Variants in PLCB1 observed in about 807,000 individuals in gnomAD.
PLCB1 encodes the protein phospholipase C beta 1, also known as 1-phosphatidylinositol 4,5-bisphosphate phosphodiesterase beta-1.
In PLCB1, 46 loss-of-function variants were observed where a neutral mutation model predicts 161.8. That is an observed-to-expected ratio of 0.28 (90% CI 0.22 to 0.36). PLCB1 has a LOEUF of 0.36. PLCB1 is among the 10% of genes least tolerant of loss of function. The pLI, the probability that PLCB1 is intolerant of heterozygous loss-of-function variation, is 1.00. For synonymous variants in PLCB1, 517 were observed against 503.7 expected (o/e 1.03, Z -0.35); for missense variants, 1,016 against 1,472.5 (o/e 0.69, Z 5.07).
chr20:8,556,656 GGTGTGTGTGTGTGTGTGTGT>G (rs58160557), intron 3 of PLCB1, among the ~76,000 whole-genome samples: 4 of 141,778 alleles, frequency 2.8e-5, no homozygotes, highest in South Asian at 2.3e-4. Flanking sequence ...GAGAGGGTTG[GGTGTGTGTGTGTGTGTGTGT>G]GTGTGTGTGT....
At chr20:8,776,828 A>C (rs377025511) in intron 27 of PLCB1, among the ~76,000 whole-genome samples, 6 of 152,290 alleles carry the variant, frequency 3.9e-5, no homozygotes, top group African/African-American at 1.2e-4. Flanking sequence ...AACATGTAGT[A>C]TGTTAGGTAG....
intron 3 of PLCB1, among the ~76,000 whole-genome samples, chr20:8,620,777 A>G (rs866397013): frequency 6.6e-6 from 1 of 151,768 alleles, no homozygotes; most frequent in African/African-American, 2.4e-5. Flanking sequence ...AAAGAAAAGA[A>G]AAGAAACAGA....
At position 8,765,930 on chromosome 20, in the gene PLCB1, C is replaced by T. The variant is rs183428079; in HGVS notation, c.2930+572C>T. Among the ~76,000 whole-genome samples, 360 of 152,242 alleles carry T rather than the reference C, an allele frequency of 2.4e-3. 4 individuals are homozygous for T. The highest frequency in any genetic ancestry group is 0.014 in the East Asian group (74 of 5,174). ...CTGGCCTCAAGCGATCTGCCTGCCTCGGCCTCCCAAAGTGCTGGGATTACA... is the reference window on the plus strand; with the variant it reads ...CTGGCCTCAAGCGATCTGCCTGCCTTGGCCTCCCAAAGTGCTGGGATTACA... On this transcript the variant is annotated intron_variant, in intron 26 of 31. Coordinates refer to ENST00000338037, the MANE Select transcript of PLCB1 (RefSeq NM_015192.4).
At chr20:8,315,240 T>TTACCG (rs1405527805) in intron 2 of PLCB1, among the ~76,000 whole-genome samples, 3 of 152,142 alleles carry the variant, frequency 2.0e-5, no homozygotes, top group Admixed American at 6.5e-5. Context: ...AACATATATG[T>TTACCG]AGGGACAGAA....
chr20:8,226,339 G>C (rs6133556), intron 2 of PLCB1, among the ~76,000 whole-genome samples: 5 of 152,000 alleles, frequency 3.3e-5, no homozygotes, highest in Admixed American at 6.6e-5. Flanking sequence ...GGTCACCTTT[G>C]CCTGGTCACC....
At position 8,144,130 on chromosome 20, in the gene PLCB1, C is replaced by A. The variant is rs140206740; in HGVS notation, c.100-6164C>A. 3.5e-3 allele frequency among the ~76,000 whole-genome samples: 535 copies of A among 152,280 alleles called. 3 individuals carry two copies. The highest frequency in any genetic ancestry group is 5.6e-3 in the Non-Finnish European group (378 of 68,020). On this transcript the variant is annotated intron_variant, in intron 1 of 31. Coordinates refer to ENST00000338037, the MANE Select transcript of PLCB1 (RefSeq NM_015192.4). ...CCGGCCAGTTCACTGCCCTCCCCGC[C>A]ACCCCAAAGGCCAATAAGTACATGA...
intron 2 of PLCB1, among the ~76,000 whole-genome samples, chr20:8,185,422 G>T (rs544294956): frequency 1.1e-4 from 17 of 152,170 alleles, no homozygotes; most frequent in African/African-American, 4.1e-4. Context: ...AGCTAATGGG[G>T]AGCAGAAGGA....
intron 2 of PLCB1, among the ~76,000 whole-genome samples, chr20:8,251,351 A>G (rs1981134258): frequency 6.6e-6 from 1 of 151,962 alleles, no homozygotes; most frequent in Non-Finnish European, 1.5e-5. Context: ...GTCCTCAAGG[A>G]GAAAAGCTTT....
intron 3 of PLCB1, among the ~76,000 whole-genome samples, chr20:8,576,305 T>G (rs1007525100): frequency 2.6e-5 from 4 of 152,196 alleles, no homozygotes; most frequent in African/African-American, 9.7e-5. Context: ...AAGCCATTCC[T>G]TGGAGCCCAT....
chr20:8,863,248 A>G (rs756149158), intron 31 of PLCB1, among the ~76,000 whole-genome samples: 2 of 152,240 alleles, frequency 1.3e-5, no homozygotes, highest in African/African-American at 2.4e-5. Flanking sequence ...TAGAGTCTCC[A>G]TAATTCAAAT....
At chr20:8,545,611 A>G (rs1985508422) in intron 3 of PLCB1, among the ~76,000 whole-genome samples, 2 of 152,222 alleles carry the variant, frequency 1.3e-5, no homozygotes, top group African/African-American at 2.4e-5. Context: ...TATAAATAAC[A>G]TTGTATCAAA....
At chr20:8,443,529 A>T (rs1049180649) in intron 3 of PLCB1, among the ~76,000 whole-genome samples, 77 of 152,094 alleles carry the variant, frequency 5.1e-4, no homozygotes, top group African/African-American at 1.7e-3. Flanking sequence ...TGGTGCCCCA[A>T]CTTCACTCCA....
chr20:8,539,643 T>C (rs1290518187), intron 3 of PLCB1, among the ~76,000 whole-genome samples: 1 of 67,346 alleles, frequency 1.5e-5, no homozygotes, highest in Non-Finnish European at 3.0e-5. Context: ...TTTCTTTCTT[T>C]CTTTCTTTCT....
chr20:8,477,458 G>T (rs752754290), intron 3 of PLCB1, among the ~76,000 whole-genome samples: 4 of 152,122 alleles, frequency 2.6e-5, no homozygotes, highest in Non-Finnish European at 5.9e-5. Flanking sequence ...AATAAGGAGA[G>T]AACACCAAAA....
chr20:8,376,403 G>A (rs1008165841), intron 3 of PLCB1, among the ~76,000 whole-genome samples: 1 of 152,058 alleles, frequency 6.6e-6, no homozygotes, highest in African/African-American at 2.4e-5. Flanking sequence ...AATTGATTAG[G>A]CTTTTCTTTC....
At position 8,554,492 on chromosome 20, in the gene PLCB1, G is replaced by A. The variant is rs532526955; in HGVS notation, c.247-73802G>A. On this transcript the variant is annotated intron_variant, in intron 3 of 31. Coordinates refer to ENST00000338037, the MANE Select transcript of PLCB1 (RefSeq NM_015192.4). ...CTCAAAATTATAGTGTTTTTGAAGAGAGCTGAAGAGACACAAAATGGACCA... is the reference window on the plus strand; with the variant it reads ...CTCAAAATTATAGTGTTTTTGAAGAAAGCTGAAGAGACACAAAATGGACCA... 2.0e-5 allele frequency among the ~76,000 whole-genome samples: 3 copies of A among 152,098 alleles called. No homozygotes were observed. In the South Asian group the frequency reaches 6.2e-4, roughly 32 times the overall value.
At position 8,299,905 on chromosome 20, in the gene PLCB1, C is replaced by T. The variant is rs907946828; in HGVS notation, c.178-71477C>T. Among the ~76,000 whole-genome samples, 7 of 152,160 alleles carry T rather than the reference C, an allele frequency of 4.6e-5. No individual in the cohort carries two copies. The East Asian group carries it at 7.7e-4, about 17-fold the overall frequency. On this transcript the variant is annotated intron_variant, in intron 2 of 31. Coordinates refer to ENST00000338037, the MANE Select transcript of PLCB1 (RefSeq NM_015192.4). ...TAACTTGGCTCACTGCTCCTCAGGG[C>T]GCAGCTATAATGTTGCCTTATGTAT...
chr20:8,853,813 A>G (rs1568625696), intron 31 of PLCB1, among the ~76,000 whole-genome samples: 1 of 152,220 alleles, frequency 6.6e-6, no homozygotes, highest in South Asian at 2.1e-4. Context: ...TTCTCCTTCC[A>G]CAGTCCCCTG....
chr20:8,188,229 T>C lies in PLCB1; in HGVS notation c.177+37858T>C, dbSNP rs376078106. Reference sequence around the variant, plus strand: ...GCAAAATACAAGAAAGCAAGACCAATGGCACAAGTACATTTGAAATCTTTC... The same window carrying C: ...GCAAAATACAAGAAAGCAAGACCAACGGCACAAGTACATTTGAAATCTTTC... On this transcript the variant is annotated intron_variant, in intron 2 of 31. Coordinates refer to ENST00000338037, the MANE Select transcript of PLCB1 (RefSeq NM_015192.4). Among the ~76,000 whole-genome samples, 13 of 152,224 alleles carry C rather than the reference T, an allele frequency of 8.5e-5. No homozygotes were observed. In the East Asian group the frequency reaches 9.7e-4, roughly 11 times the overall value.
Sources: gnomAD v4.1 joint callset for allele counts (sites outside exome capture counted in the v4.1 genomes callset) on GRCh38, gnomAD v4.1.1 for gene constraint, MANE v1.5 for transcripts, NCBI Gene and HGNC (gene_info 2026-07-23, HGNC 2026-07-21) for gene names.